Variants in ERC1 observed in about 807,000 individuals in gnomAD.
The protein encoded by ERC1 is ELKS/RAB6-interacting/CAST family member 1.
ERC1 carries 56 observed loss-of-function variants against 132.0 expected under a neutral mutation model. The ratio of observed to expected loss-of-function variants is 0.42; its 90% CI spans 0.34 to 0.53. The LOEUF (loss-of-function observed/expected upper bound fraction) is 0.53. Ranked by LOEUF, ERC1 falls within the 20% of genes least tolerant of loss-of-function variation. ERC1 has a pLI of 0.03. For missense variants in ERC1, 1,202 were observed against 1,349.9 expected (o/e 0.89, Z 1.72); for synonymous variants, 478 against 476.1 (o/e 1.00, Z -0.05).
At chr12:1,074,431 G>A (rs1283017583) in intron 2 of ERC1, among the ~76,000 whole-genome samples, 3 of 152,022 alleles carry the variant, frequency 2.0e-5, no homozygotes, top group Non-Finnish European at 4.4e-5. Context: ...CTCCCGAATA[G>A]CTGGGATTAT....
intron 18 of ERC1, among the ~76,000 whole-genome samples, chr12:1,449,828 T>A (rs2093384672): frequency 1.3e-5 from 2 of 152,154 alleles, no homozygotes; most frequent in Admixed American, 1.3e-4. Context: ...ATTTGTTTCA[T>A]CTATTTTTTT....
chr12:1,251,360 T>G (rs2076460708), intron 13 of ERC1, among the ~76,000 whole-genome samples: 1 of 152,176 alleles, frequency 6.6e-6, no homozygotes, highest in South Asian at 2.1e-4. Flanking sequence ...ATTTAAATGT[T>G]TAATCCTGTA....
chr12:1,057,585 GTTTTTTTTTTTTTTT>G (rs59761885), intron 2 of ERC1, among the ~76,000 whole-genome samples: 1 of 47,696 alleles, frequency 2.1e-5, no homozygotes, highest in Non-Finnish European at 4.0e-5. Context: ...GATGCGCATG[GTTTTTTTTTTTTTTT>G]TTTTTTTTTT....
intron 15 of ERC1, among the ~76,000 whole-genome samples, chr12:1,350,996 A>G (rs943295813): frequency 6.6e-6 from 1 of 152,110 alleles, no homozygotes; most frequent in Non-Finnish European, 1.5e-5. Flanking sequence ...CTCACTCACT[A>G]CCACAAGATC....
chr12:1,015,807 T>A (rs1251144750), intron 1 of ERC1, among the ~76,000 whole-genome samples: 2 of 152,248 alleles, frequency 1.3e-5, no homozygotes, highest in Non-Finnish European at 2.9e-5. Flanking sequence ...GACTCGTTGA[T>A]GAGCATAACC....
At chr12:1,435,645 T>C (rs2092927025) in intron 17 of ERC1, among the ~76,000 whole-genome samples, 1 of 152,240 alleles carries the variant, frequency 6.6e-6, no homozygotes, top group Non-Finnish European at 1.5e-5. Context: ...CTGGAAATAT[T>C]GGCTGAGGGC....
intron 16 of ERC1, among the ~76,000 whole-genome samples, chr12:1,403,450 T>C (rs147646984): frequency 6.6e-6 from 1 of 152,348 alleles, no homozygotes; most frequent in East Asian, 1.9e-4. Context: ...CTGTGTAACA[T>C]CTAATGCTCT....
intron 12 of ERC1, among the ~76,000 whole-genome samples, chr12:1,191,517 TC>T (rs1178859301): frequency 6.6e-6 from 1 of 152,230 alleles, no homozygotes; most frequent in Non-Finnish European, 1.5e-5. Flanking sequence ...TTATTAGAAA[TC>T]TACATTTGAA....
intron 15 of ERC1, among the ~76,000 whole-genome samples, chr12:1,368,060 T>C (rs2154373182): frequency 6.6e-6 from 1 of 150,796 alleles, no homozygotes; most frequent in South Asian, 2.1e-4. Context: ...GCTTGTGGCA[T>C]ACATATATTA....
chr12:1,344,492 G>A (rs1000688053), intron 15 of ERC1, among the ~76,000 whole-genome samples: 6 of 152,142 alleles, frequency 3.9e-5, no homozygotes, highest in Non-Finnish European at 7.4e-5. Context: ...AAACCCTGAC[G>A]GTGCCTTTTG....
In ERC1 at chr12:1,365,000, A is replaced by G. The variant is rs180943067; in HGVS notation, c.2781-6833A>G. ...AATTGTGCCCTCTGGACAAACACAG[A>G]TTCAATGTTCTGTTTTTGCAAAACC... On this transcript the variant is annotated intron_variant, in intron 15 of 18. Coordinates refer to ENST00000360905, the MANE Select transcript of ERC1 (RefSeq NM_178040.4). Among the ~76,000 whole-genome samples, 647 of 152,304 alleles carry G rather than the reference A, an allele frequency of 4.2e-3. 3 individuals are homozygous for G. The highest frequency in any genetic ancestry group is 9.9e-3 in the African/African-American group (411 of 41,564).
At chr12:1,428,936 C>T (rs2092716126) in intron 17 of ERC1, among the ~76,000 whole-genome samples, 1 of 152,152 alleles carries the variant, frequency 6.6e-6, no homozygotes, top group Non-Finnish European at 1.5e-5. Flanking sequence ...AATGAGCACA[C>T]TTGATTGAGG....
chr12:1,484,735 G>A (rs2094173694), intron 18 of ERC1, among the ~76,000 whole-genome samples: 1 of 151,774 alleles, frequency 6.6e-6, no homozygotes, highest in South Asian at 2.1e-4. Flanking sequence ...ACGCCACCAT[G>A]CCCGGCTAAT....
At chr12:1,312,660 A>G (rs188411725) in intron 15 of ERC1, among the ~76,000 whole-genome samples, 1 of 152,280 alleles carries the variant, frequency 6.6e-6, no homozygotes, top group African/African-American at 2.4e-5. Context: ...CACCCGGCCA[A>G]AGCAGTTTTT....
chr12:1,095,565 A>G (rs994250390), intron 3 of ERC1, among the ~76,000 whole-genome samples: 1 of 151,780 alleles, frequency 6.6e-6, no homozygotes, highest in African/African-American at 2.4e-5. Context: ...AGACAAATAG[A>G]CTATATAACA....
At chr12:1,487,521 ATAGT>A (rs1055778355) in intron 18 of ERC1, among the ~76,000 whole-genome samples, 3 of 124,502 alleles carry the variant, frequency 2.4e-5, no homozygotes, top group Admixed American at 8.3e-5. Flanking sequence ...CCTGGGCAAC[ATAGT>A]TAGACCGCAC....
intron 15 of ERC1, among the ~76,000 whole-genome samples, chr12:1,322,346 T>A (rs2082172278): frequency 6.6e-6 from 1 of 152,202 alleles, no homozygotes; most frequent in African/African-American, 2.4e-5. Flanking sequence ...AATGGCTAAG[T>A]GATCTGTGCA....
chr12:1,431,797 TTTAATA>T (rs1354602161), intron 17 of ERC1, among the ~76,000 whole-genome samples: 1 of 152,262 alleles, frequency 6.6e-6, no homozygotes, highest in African/African-American at 2.4e-5. Context: ...GAATTTCCTC[TTTAATA>T]TTATATTTAC....
At chr12:1,130,238 C>T (rs768154437) in intron 7 of ERC1, among the ~76,000 whole-genome samples, 7 of 152,098 alleles carry the variant, frequency 4.6e-5, no homozygotes, top group Non-Finnish European at 1.0e-4. Context: ...GTGACTCATG[C>T]CTATAATTCC....
Sources: allele counts gnomAD v4.1 joint callset (sites outside exome capture counted in the v4.1 genomes callset), GRCh38; gene constraint gnomAD v4.1.1; transcripts MANE v1.5; gene names NCBI Gene and HGNC (gene_info 2026-07-23, HGNC 2026-07-21).